The following ZNF90 variants were observed in gnomAD, a reference collection of about 807,000 sequenced individuals.
ZNF90 encodes the protein zinc finger protein 90.
In ZNF90, 11 loss-of-function variants were observed where a neutral mutation model predicts 12.0. That is an observed-to-expected ratio of 0.92 (90% confidence interval 0.58 to 1.52). The LOEUF is 1.52. Among genes scored for constraint, ZNF90 ranks in the 40% most tolerant of loss-of-function variants. ZNF90 has a pLI of 0.00. For synonymous variants in ZNF90, 232 were observed against 240.1 expected (o/e 0.97, Z 0.31); for missense variants, 765 against 711.5 (o/e 1.08, Z -0.86).
At chr19:20,083,304 G>A (rs1359897963) in intron 1 of ZNF90, among the ~76,000 whole-genome samples, 2 of 151,898 alleles carry the variant, frequency 1.3e-5, no homozygotes, top group Non-Finnish European at 2.9e-5. Flanking sequence ...CACCCCTTTA[G>A]CATTAGTTTT....
intron 1 of ZNF90, among the ~76,000 whole-genome samples, chr19:20,097,396 T>C (rs1373029285): frequency 6.6e-6 from 1 of 152,188 alleles, no homozygotes; most frequent in African/African-American, 2.4e-5. Flanking sequence ...TGTCTCAGCC[T>C]ATTTATTAAT....
Position 20,118,721 on chromosome 19 carries a change from A to T in ZNF90, c.1167A>T (p.Ile389=). The T allele has an allele frequency of 1.9e-6, 3 of 1,608,586 alleles. No individual in the cohort carries two copies. Among genetic ancestry groups the T allele is most frequent in the Non-Finnish European group, 2.5e-6 (3 of 1,177,378 alleles). Residue 389 remains isoleucine (I), a synonymous_variant, in exon 4 of 4, where the codon ATA becomes ATT. Coordinates refer to ENST00000418063, the MANE Select transcript of ZNF90 (RefSeq NM_007138.2). ...ISSSLLYKHK[I]SHSEKKPYKC... ...CCTCACTCCTTTATAAACATAAGATAAGTCATAGTGAAAAGAAACCCTACA... is the reference window on the plus strand; with the variant it reads ...CCTCACTCCTTTATAAACATAAGATTAGTCATAGTGAAAAGAAACCCTACA...
chr19:20,102,140 T>C (rs1186170171), intron 1 of ZNF90, among the ~76,000 whole-genome samples: 1 of 152,208 alleles, frequency 6.6e-6, no homozygotes, highest in Non-Finnish European at 1.5e-5. Flanking sequence ...TCTGAGGTTC[T>C]CTTCAAAGAA....
At chr19:20,113,275 C>G (rs1204578908) in intron 3 of ZNF90, among the ~76,000 whole-genome samples, 3 of 151,886 alleles carry the variant, frequency 2.0e-5, no homozygotes. Flanking sequence ...TATACAACCT[C>G]TGCCTCCTGG....
intron 1 of ZNF90, among the ~76,000 whole-genome samples, chr19:20,103,943 A>T (rs1194629092): frequency 6.6e-6 from 1 of 152,212 alleles, no homozygotes; most frequent in Admixed American, 6.5e-5. Flanking sequence ...ATTCCGTATG[A>T]TCTAAATATA....
intron 2 of ZNF90, among the ~76,000 whole-genome samples, 158 bp from the exon 3 acceptor site, chr19:20,105,063 T>C (rs2089022713): frequency 6.6e-6 from 1 of 152,170 alleles, no homozygotes; most frequent in African/African-American, 2.4e-5. Context: ...AAGAAACCTA[T>C]GATTTGAAAG....
At chr19:20,094,155 A>G (rs1236487101) in intron 1 of ZNF90, among the ~76,000 whole-genome samples, 1 of 152,220 alleles carries the variant, frequency 6.6e-6, no homozygotes, top group Non-Finnish European at 1.5e-5. Context: ...AAGTTCTCCT[A>G]TGCAGGAGGT....
At chr19:20,097,367 A>G (rs1218455627) in intron 1 of ZNF90, among the ~76,000 whole-genome samples, 1 of 152,210 alleles carries the variant, frequency 6.6e-6, no homozygotes, top group Non-Finnish European at 1.5e-5. Context: ...GCTGTCCCCT[A>G]AAGATGCAGG....
chr19:20,097,789 C>A (rs892895156), intron 1 of ZNF90, among the ~76,000 whole-genome samples: 1 of 152,192 alleles, frequency 6.6e-6, no homozygotes, highest in Non-Finnish European at 1.5e-5. Context: ...ATGTATGTAT[C>A]TGTTGAAACT....
At chr19:20,090,881 G>C (rs1179176947) in intron 1 of ZNF90, among the ~76,000 whole-genome samples, 3 of 152,182 alleles carry the variant, frequency 2.0e-5, no homozygotes, top group Admixed American at 6.5e-5. Context: ...GCTGAGCTTG[G>C]TGAGGTGTGG....
Position 20,119,379 on chromosome 19 carries a change from A to T in ZNF90, c.*19A>T. ...TCTTTGAAATATTCCTCAACCCTTA[A>T]TAAACATAAGATAATTCATACTGGA... On this transcript the variant is annotated 3_prime_UTR_variant, in exon 4 of 4. Transcript: ENST00000418063. 1 of 1,547,018 alleles carries T rather than the reference A, an allele frequency of 6.5e-7. No individual in the cohort carries two copies. The highest frequency in any genetic ancestry group is 8.7e-7 in the Non-Finnish European group (1 of 1,144,768).
intron 3 of ZNF90, among the ~76,000 whole-genome samples, chr19:20,108,017 A>T (rs2089054438): frequency 6.6e-6 from 1 of 152,060 alleles, no homozygotes. Context: ...TTCTGGAAAA[A>T]AAATATATAT....
intron 1 of ZNF90, among the ~76,000 whole-genome samples, chr19:20,079,474 CAT>C (rs112607646): frequency 0.029 from 4,468 of 152,132 alleles, 113 homozygotes; most frequent in African/African-American, 0.069. Context: ...ATTCCAAAAA[CAT>C]ATTGCAACAG....
In ZNF90 at chr19:20,099,445, A is replaced by T. The variant is rs528543460; in HGVS notation, c.4-4794A>T. Among the ~76,000 whole-genome samples the T allele has an allele frequency of 1.7e-3, 263 of 152,308 alleles. 1 individual carries two copies. Among genetic ancestry groups the T allele is most frequent in the African/African-American group, 6.0e-3 (251 of 41,568 alleles). ...TTTTTCCCTCAATCACATGGGAGGA[A>T]CGGTCTATCATCCTGTCCTGAAGGG... is the stretch of plus-strand genomic sequence containing the variant. On this transcript the variant is annotated intron_variant, in intron 1 of 3. Transcript: ENST00000418063.
At chr19:20,104,155 C>T (rs2089011254) in intron 1 of ZNF90, 84 bp from the exon 2 acceptor site, 2 of 1,585,302 alleles carry the variant, frequency 1.3e-6, no homozygotes, top group Non-Finnish European at 1.7e-6. Flanking sequence ...TCTCTTTACT[C>T]TCCAATTTCA....
At chr19:20,089,089 A>T (rs552448078) in intron 1 of ZNF90, among the ~76,000 whole-genome samples, 140 of 151,708 alleles carry the variant, frequency 9.2e-4, no homozygotes, top group African/African-American at 3.1e-3. Flanking sequence ...AAAGATGAGA[A>T]GGAGTGCTGA....
intron 1 of ZNF90, among the ~76,000 whole-genome samples, chr19:20,101,889 C>T (rs577075280): frequency 8.5e-5 from 13 of 152,142 alleles, no homozygotes; most frequent in South Asian, 8.3e-4. Flanking sequence ...GTTTATCCTC[C>T]CTAATGAGTT....
Position 20,118,845 on chromosome 19 carries a change from G to A in ZNF90, c.1291G>A (p.Asp431Asn), listed in dbSNP as rs1184456881. 15 of 1,604,952 alleles carry A rather than the reference G, an allele frequency of 9.3e-6. No individual in the cohort carries two copies. The highest frequency in any genetic ancestry group is 1.3e-5 in the African/African-American group (1 of 74,238). The change falls in exon 4 of 4, where the codon GAC becomes AAC. Residue 431 changes from aspartate to asparagine, a missense_variant. Transcript: ENST00000418063. ...GAAACCCTACAAATGTCAAGAATGTGACAAAGTCTTCAAACGCTCCTCAGC... is the reference window on the plus strand; with the variant it reads ...GAAACCCTACAAATGTCAAGAATGTAACAAAGTCTTCAAACGCTCCTCAGC... ...EEKPYKCQEC[D>N]KVFKRSSALS...
chr19:20,100,686 G>T (rs2088982351), intron 1 of ZNF90, among the ~76,000 whole-genome samples: 1 of 152,192 alleles, frequency 6.6e-6, no homozygotes, highest in South Asian at 2.1e-4. Context: ...TTCCTCTTGA[G>T]AGGGGGATGA....
Sources: allele counts gnomAD v4.1 joint callset (sites outside exome capture counted in the v4.1 genomes callset), GRCh38; gene constraint gnomAD v4.1.1; transcripts MANE v1.5; gene names NCBI Gene and HGNC (gene_info 2026-07-23, HGNC 2026-07-21).